COP1: variants seen among roughly 807,000 people sequenced by gnomAD.
COP1 encodes COP1 E3 ubiquitin ligase.
In COP1, 24 loss-of-function variants were observed where a neutral mutation model predicts 101.3. That is an observed-to-expected ratio of 0.24 (90% CI 0.17 to 0.33). The LOEUF (loss-of-function observed/expected upper bound fraction) is 0.33. COP1 is among the 10% of genes least tolerant of loss of function. COP1 has a pLI of 1.00. For synonymous variants in COP1, 347 were observed against 341.9 expected, an observed-to-expected ratio of 1.01 and a Z score of -0.17; for missense variants, 663 against 906.2, an observed-to-expected ratio of 0.73 and a Z score of 3.45.
chr1:176,151,480 A>G (rs1176932481), intron 5 of COP1, among the ~76,000 whole-genome samples: 4 of 152,194 alleles, frequency 2.6e-5, no homozygotes, highest in Admixed American at 6.5e-5. Flanking sequence ...TTTTTGTTAC[A>G]CTTGTCCCAT....
At chr1:176,144,851 T>C (rs550921255) in intron 6 of COP1, among the ~76,000 whole-genome samples, 15 of 152,224 alleles carry the variant, frequency 9.9e-5, no homozygotes, top group African/African-American at 2.6e-4. Flanking sequence ...CCTCACATTA[T>C]ACACAAAAAT....
At chr1:176,124,879 C>A (rs965933393) in intron 8 of COP1, among the ~76,000 whole-genome samples, 9 of 152,170 alleles carry the variant, frequency 5.9e-5, no homozygotes, top group Admixed American at 2.6e-4. Context: ...ATTACATTCC[C>A]ACCAGCACCA....
intron 15 of COP1, among the ~76,000 whole-genome samples, chr1:176,006,487 G>T (rs927153412): frequency 6.6e-6 from 1 of 152,118 alleles, no homozygotes; most frequent in Non-Finnish European, 1.5e-5. Context: ...TGGCTGGTAT[G>T]GGTTGTTCCT....
intron 11 of COP1, among the ~76,000 whole-genome samples, chr1:176,050,281 G>T (rs1672314893): frequency 6.6e-6 from 1 of 152,220 alleles, no homozygotes; most frequent in Non-Finnish European, 1.5e-5. Flanking sequence ...TGATTAAGCA[G>T]CAAGGCAAGA....
At chr1:176,162,775 T>A in intron 5 of COP1, 94 bp downstream of exon 5, 1 of 1,064,852 alleles carries the variant, frequency 9.4e-7, no homozygotes, top group African/African-American at 1.6e-5. Context: ...AATGGATTAG[T>A]GAAGCTATCC....
At chr1:176,148,898 G>A (rs1691985883) in intron 6 of COP1, 108 bp downstream of exon 6, 2 of 668,048 alleles carry the variant, frequency 3.0e-6, no homozygotes, top group African/African-American at 1.9e-5. Flanking sequence ...AAATTCAAAT[G>A]CTTTTAAAAA....
At chr1:176,003,352 T>A (rs1199771016) in intron 15 of COP1, among the ~76,000 whole-genome samples, 2 of 152,112 alleles carry the variant, frequency 1.3e-5, no homozygotes, top group Non-Finnish European at 2.9e-5. Flanking sequence ...CTCTTTAGTT[T>A]AATTAGATCC....
intron 9 of COP1, among the ~76,000 whole-genome samples, chr1:176,090,213 C>G (rs1402457973): frequency 6.6e-6 from 1 of 152,116 alleles, no homozygotes; most frequent in East Asian, 1.9e-4. Flanking sequence ...TTCCCACCCC[C>G]TGTCCCTGCC....
chr1:176,126,507 A>G lies in COP1; in HGVS notation c.968+8503T>C, dbSNP rs970510103. On this transcript the variant is annotated intron_variant, in intron 8 of 19. Transcript: ENST00000367669. ...GAGTCTCGCTCTGTCACCAGGCTGG[A>G]GTGCGGTGGCGCAATCTCAGCTCAC... 5.3e-5 allele frequency among the ~76,000 whole-genome samples: 8 copies of G among 151,980 alleles called. No homozygotes were observed. The East Asian group carries it at 1.4e-3, about 26-fold the overall frequency.
chr1:175,993,127 C>T (rs1374996200), intron 15 of COP1, among the ~76,000 whole-genome samples: 1 of 152,206 alleles, frequency 6.6e-6, no homozygotes, highest in Non-Finnish European at 1.5e-5. Context: ...GGGACCCAGG[C>T]AAACAGGGTC....
At chr1:175,984,806 C>T (rs550795746) in intron 18 of COP1, among the ~76,000 whole-genome samples, 2 of 152,330 alleles carry the variant, frequency 1.3e-5, no homozygotes, top group Admixed American at 6.5e-5. Flanking sequence ...CATTTTGGAA[C>T]TTTAAGATTT....
chr1:176,013,382 A>C (rs1665040411), intron 15 of COP1, among the ~76,000 whole-genome samples: 1 of 152,200 alleles, frequency 6.6e-6, no homozygotes, highest in Non-Finnish European at 1.5e-5. Flanking sequence ...CTGGAATATA[A>C]TCTTGTAATT....
intron 9 of COP1, among the ~76,000 whole-genome samples, chr1:176,098,485 A>G (rs1258428526): frequency 6.6e-6 from 1 of 152,226 alleles, no homozygotes; most frequent in African/African-American, 2.4e-5. Context: ...AAACAAACAA[A>G]AAAAGCTAAA....
intron 15 of COP1, among the ~76,000 whole-genome samples, chr1:175,992,386 CAGTGGGTGCAGGAG>C (rs1658778759): frequency 2.0e-5 from 3 of 152,300 alleles, no homozygotes; most frequent in South Asian, 4.1e-4. Flanking sequence ...GAGTGCCAGA[CAGTGGGTGCAGGAG>C]AGTGGGTGCA....
chr1:175,961,969 AGTTAACG>A (rs1651427152), intron 18 of COP1, among the ~76,000 whole-genome samples: 1 of 152,144 alleles, frequency 6.6e-6, no homozygotes, highest in Non-Finnish European at 1.5e-5. Flanking sequence ...CTTATGTATT[AGTTAACG>A]AGATGAAAAT....
At chr1:176,074,517 C>A (rs144623512) in intron 11 of COP1, among the ~76,000 whole-genome samples, 1 of 152,010 alleles carries the variant, frequency 6.6e-6, no homozygotes, top group Non-Finnish European at 1.5e-5. Context: ...GCATGCAAGA[C>A]GGCCCAACCA....
intron 18 of COP1, among the ~76,000 whole-genome samples, chr1:175,958,655 C>G (rs1253135315): frequency 6.9e-6 from 1 of 143,966 alleles, no homozygotes; most frequent in African/African-American, 2.4e-5. Context: ...AAATTGATGA[C>G]TTCCCTCAGA....
intron 14 of COP1, among the ~76,000 whole-genome samples, chr1:176,037,656 T>C (rs1669804807): frequency 6.6e-6 from 1 of 152,100 alleles, no homozygotes; most frequent in South Asian, 2.1e-4. Context: ...GTTTTGAAAG[T>C]CAATGACTAT....
chr1:175,987,668 T>A (rs1657445041), intron 17 of COP1, among the ~76,000 whole-genome samples: 1 of 152,204 alleles, frequency 6.6e-6, no homozygotes, highest in East Asian at 1.9e-4. Context: ...TCCAGATATT[T>A]GCTTTGGCAG....
Sources: allele counts gnomAD v4.1 joint callset (sites outside exome capture counted in the v4.1 genomes callset), GRCh38; gene constraint gnomAD v4.1.1; transcripts MANE v1.5; gene names NCBI Gene and HGNC (gene_info 2026-07-23, HGNC 2026-07-21).